Variants in DENND2B observed in about 807,000 individuals in gnomAD.
DENND2B encodes the protein DENN domain containing 2B, also known as DENN domain-containing protein 2B.
DENND2B carries 32 observed loss-of-function variants against 116.0 expected under a neutral mutation model. The ratio of observed to expected loss-of-function variants is 0.28; its 90% confidence interval spans 0.21 to 0.37. The LOEUF (loss-of-function observed/expected upper bound fraction) is 0.37, where lower values mean the gene tolerates loss of function less well. Among genes scored for constraint, DENND2B ranks in the 10% least tolerant of loss-of-function variants. The pLI is 1.00. For missense variants in DENND2B, 1,276 were observed against 1,477.7 expected (o/e 0.86, Z 2.24); for synonymous variants, 588 against 583.9 (o/e 1.01, Z -0.10).
At chr11:8,771,273 A>G (rs1222199507) in intron 1 of DENND2B, among the ~76,000 whole-genome samples, 1 of 152,208 alleles carries the variant, frequency 6.6e-6, no homozygotes, top group Admixed American at 6.5e-5. Flanking sequence ...CTCTCAGCAG[A>G]CAAGGGGAGA....
chr11:8,831,143 C>A (rs181790853), intron 4 of DENND2B, among the ~76,000 whole-genome samples: 55 of 152,256 alleles, frequency 3.6e-4, no homozygotes, highest in Admixed American at 1.8e-3. Context: ...GAGGTGGAGC[C>A]CCTGGCTGAC....
intron 14 of DENND2B, among the ~76,000 whole-genome samples, chr11:8,701,703 A>G (rs567628913): frequency 3.0e-4 from 46 of 152,212 alleles, no homozygotes; most frequent in Admixed American, 2.8e-3. Flanking sequence ...CACCACTGAC[A>G]TAAAACTTTT....
intron 3 of DENND2B, among the ~76,000 whole-genome samples, chr11:8,844,222 A>AAC (rs1000047867): frequency 2.8e-5 from 4 of 142,704 alleles, no homozygotes; most frequent in Admixed American, 7.2e-5. Flanking sequence ...CAACATAGTG[A>AAC]AACCTCAGCT....
At chr11:8,744,148 TG>T (rs751716171) in intron 2 of DENND2B, among the ~76,000 whole-genome samples, 362 of 149,270 alleles carry the variant, frequency 2.4e-3, no homozygotes, top group East Asian at 0.013. Flanking sequence ...TTTTTTTTTT[TG>T]GGGGACAGAG....
Position 8,730,558 on chromosome 11 carries a change from T to C in DENND2B, c.732A>G (p.Gly244=), listed in dbSNP as rs777384673. The change falls in exon 3 of 20, where the codon GGA becomes GGG. Residue 244 remains glycine (G), a synonymous_variant. Transcript: ENST00000313726. The surrounding 1 kb of genome is among the most constrained non-coding windows in gnomAD (Gnocchi z 4.1). Reference sequence around the variant, plus strand: ...AAGAGTCCCGGACAGGGAGCGCCTCTCCCTCCTCCTCAGTCTCTGGGTAGG... The same window carrying C: ...AAGAGTCCCGGACAGGGAGCGCCTCCCCCTCCTCCTCAGTCTCTGGGTAGG... ...ECSYPETEEE[G]EALPVRDSFY... is the part of the protein sequence containing the mutation. 7 of 1,613,180 alleles carry C rather than the reference T, an allele frequency of 4.3e-6. No homozygotes were observed. The highest frequency in any genetic ancestry group is 3.3e-5 in the Admixed American group (2 of 60,024).
chr11:8,825,942 A>T (rs2061961781), intron 4 of DENND2B, among the ~76,000 whole-genome samples: 1 of 152,202 alleles, frequency 6.6e-6, no homozygotes, highest in Non-Finnish European at 1.5e-5. Context: ...TCCAGGGGAC[A>T]TATATTATAT....
chr11:8,850,382 A>G (rs1342307941), intron 3 of DENND2B, among the ~76,000 whole-genome samples: 2 of 152,218 alleles, frequency 1.3e-5, no homozygotes, highest in Non-Finnish European at 2.9e-5. Context: ...AAATGGGCAA[A>G]GGACCTGAAC....
intron 6 of DENND2B, chr11:8,715,342 A>C: frequency 2.0e-6 from 1 of 502,246 alleles, no homozygotes; most frequent in Non-Finnish European, 3.6e-6. Flanking sequence ...TTCATACACC[A>C]CACTTACTAA....
chr11:8,792,765 G>A (rs1431697228), intron 1 of DENND2B, among the ~76,000 whole-genome samples: 1 of 152,180 alleles, frequency 6.6e-6, no homozygotes, highest in Non-Finnish European at 1.5e-5. Flanking sequence ...GTAAAAAAAT[G>A]TATAACACCT....
intron 4 of DENND2B, among the ~76,000 whole-genome samples, chr11:8,722,018 C>A (rs1410745247): frequency 6.6e-6 from 1 of 152,238 alleles, no homozygotes; most frequent in Non-Finnish European, 1.5e-5. Flanking sequence ...GCTCAGAATG[C>A]AAACATAAGG....
intron 2 of DENND2B, among the ~76,000 whole-genome samples, chr11:8,859,456 C>G (rs1295408571): frequency 6.6e-6 from 1 of 152,082 alleles, no homozygotes; most frequent in Admixed American, 6.5e-5. Context: ...TACAGGCGCC[C>G]GCCATCGCGC....
intron 2 of DENND2B, among the ~76,000 whole-genome samples, chr11:8,747,390 C>T (rs1000369978): frequency 4.6e-5 from 7 of 152,198 alleles, no homozygotes; most frequent in African/African-American, 1.7e-4. Context: ...GCCCCTGCTG[C>T]CTGCCAGGTC....
At chr11:8,753,486 C>A (rs2052937856) in intron 1 of DENND2B, among the ~76,000 whole-genome samples, 1 of 152,084 alleles carries the variant, frequency 6.6e-6, no homozygotes, top group Non-Finnish European at 1.5e-5. Context: ...GCAATTCTCC[C>A]TAAATTGATT....
intron 4 of DENND2B, among the ~76,000 whole-genome samples, chr11:8,817,227 T>C (rs2061599619): frequency 6.6e-6 from 1 of 152,202 alleles, no homozygotes; most frequent in Non-Finnish European, 1.5e-5. Flanking sequence ...ACCTAAGTTC[T>C]CTTGGAAGAC....
intron 5 of DENND2B, among the ~76,000 whole-genome samples, chr11:8,717,318 G>A (rs561159023): frequency 2.0e-5 from 3 of 152,360 alleles, no homozygotes; most frequent in Admixed American, 2.0e-4. Context: ...CCTAATGCCA[G>A]TACTGAGATG....
rs768886391 is a variant in DENND2B at position 8,712,694 on chromosome 11, G to A, written c.2029C>T (p.Arg677Cys). The A allele has an allele frequency of 1.9e-5, 30 of 1,612,334 alleles. No homozygotes were observed. Among genetic ancestry groups the A allele is most frequent in the South Asian group, 1.1e-4 (10 of 90,338 alleles). Residue 677 changes from arginine (R) to cysteine (C), a missense_variant, in exon 9 of 20, where the codon CGC (arginine) becomes TGC (cysteine). Physicochemically the swap from Arg to Cys is radical, Grantham distance 180. Around this residue, in one of 2 missense-constraint regions of DENND2B, gnomAD observed 420 missense variants for 631.1 expected, o/e 0.67. Transcript: ENST00000313726. This position sits in a 1 kb window ranked among gnomAD's most constrained non-coding sequence, Gnocchi z 4.4. ...TCCAGCGTGCGATAGCTGGGGGCGC[G>A]CTTCAGCATCGACTGGATGTGGACC... ...RLVHIQSMLK[R>C]APSYRTLELE... is the part of the protein sequence containing the mutation.
chr11:8,786,405 A>G (rs2058904740), intron 1 of DENND2B, among the ~76,000 whole-genome samples: 1 of 152,244 alleles, frequency 6.6e-6, no homozygotes, highest in African/African-American at 2.4e-5. Context: ...TGCCTTACAT[A>G]TCCATATAAA....
intron 4 of DENND2B, among the ~76,000 whole-genome samples, chr11:8,816,827 G>A (rs924672545): frequency 6.6e-6 from 1 of 152,148 alleles, no homozygotes; most frequent in African/African-American, 2.4e-5. Flanking sequence ...TCCTCCACAT[G>A]AGAGGGCTGG....
intron 1 of DENND2B, among the ~76,000 whole-genome samples, chr11:8,890,001 C>T (rs12222805): frequency 0.35 from 53,279 of 152,002 alleles, 10,703 homozygotes; most frequent in Non-Finnish European, 0.44. Context: ...CCAGTAGGGG[C>T]GGACTGACAC....
Sources: gnomAD v4.1 joint callset for allele counts (sites outside exome capture counted in the v4.1 genomes callset) on GRCh38, gnomAD v4.1.1 for gene constraint, gnomAD v4.1.1 regional missense constraint, Gnocchi (gnomAD v3.1) non-coding constraint, MANE v1.5 for transcripts, NCBI Gene and HGNC (gene_info 2026-07-23, HGNC 2026-07-21) for gene names.